MAGI2: variants seen among roughly 807,000 people sequenced by gnomAD.
MAGI2 encodes membrane-associated guanylate kinase, WW and PDZ domain-containing protein 2.
MAGI2 carries 35 observed loss-of-function variants against 133.3 expected under a neutral mutation model. That is an observed-to-expected ratio of 0.26 (90% confidence interval 0.20 to 0.35). The LOEUF (loss-of-function observed/expected upper bound fraction) is 0.35. MAGI2 is among the 10% of genes least tolerant of loss of function. The probability of loss-of-function intolerance (pLI) is 1.00; values close to 1 mark genes in which losing one functional copy is unlikely to be tolerated. For missense variants in MAGI2, 1,636 were observed against 1,863.4 expected (o/e 0.88, Z 2.25); for synonymous variants, 729 against 710.6 (o/e 1.03, Z -0.41).
chr7:78,513,068 A>G (rs1367323462), intron 4 of MAGI2, among the ~76,000 whole-genome samples: 1 of 152,194 alleles, frequency 6.6e-6, no homozygotes, highest in South Asian at 2.1e-4. Flanking sequence ...AAAAAACCAC[A>G]GCAAGGTATG....
chr7:78,871,356 G>A (rs1202657875), intron 2 of MAGI2, among the ~76,000 whole-genome samples: 1 of 151,958 alleles, frequency 6.6e-6, no homozygotes, highest in Non-Finnish European at 1.5e-5. Context: ...GGGACTCAGG[G>A]GGTGAGGGAT....
At chr7:78,297,230 G>A (rs1362771827) in intron 9 of MAGI2, among the ~76,000 whole-genome samples, 2 of 152,102 alleles carry the variant, frequency 1.3e-5, no homozygotes, top group African/African-American at 4.8e-5. Context: ...CACTACACTA[G>A]CTCATCATCA....
intron 1 of MAGI2, among the ~76,000 whole-genome samples, chr7:79,429,175 C>A (rs1207009375): frequency 1.3e-5 from 2 of 152,086 alleles, no homozygotes; most frequent in Non-Finnish European, 2.9e-5. Context: ...AACAGAACAG[C>A]TTTTGATCTT....
At chr7:78,026,674 G>A (rs1326995732) in intron 21 of MAGI2, among the ~76,000 whole-genome samples, 1 of 152,152 alleles carries the variant, frequency 6.6e-6, no homozygotes, top group Non-Finnish European at 1.5e-5. Context: ...GGGTGGGGCC[G>A]GAGGTGGGGT....
At chr7:78,327,514 C>A (rs1338927629) in intron 9 of MAGI2, among the ~76,000 whole-genome samples, 1 of 152,104 alleles carries the variant, frequency 6.6e-6, no homozygotes, top group Non-Finnish European at 1.5e-5. Flanking sequence ...AAACACAAAT[C>A]CCACATAAGA....
intron 1 of MAGI2, among the ~76,000 whole-genome samples, chr7:79,079,574 G>A (rs1329579743): frequency 6.6e-6 from 1 of 152,120 alleles, no homozygotes; most frequent in African/African-American, 2.4e-5. Flanking sequence ...AGTGCCTTAA[G>A]TAGCTATGGC....
At chr7:79,280,109 G>A (rs961394432) in intron 1 of MAGI2, among the ~76,000 whole-genome samples, 3 of 152,086 alleles carry the variant, frequency 2.0e-5, no homozygotes, top group Admixed American at 2.0e-4. Flanking sequence ...ACATGATGTA[G>A]GATGTTCAAA....
Position 79,050,885 on chromosome 7 carries a change from C to G in MAGI2, c.302-43679G>C, listed in dbSNP as rs372658468. Among the ~76,000 whole-genome samples, 25 of 122,620 alleles carry G rather than the reference C, an allele frequency of 2.0e-4. No homozygotes were observed. The South Asian group carries it at 5.3e-3, about 26-fold the overall frequency. The allele number at this position is 122,620 out of a possible 152,430, so 80.4% of individuals were successfully genotyped here. A position where few individuals can be genotyped will look rare whatever the true frequency, so the allele number is the denominator to read the frequency against. On this transcript the variant is annotated intron_variant, in intron 1 of 21. Coordinates refer to ENST00000354212, the MANE Select transcript of MAGI2 (RefSeq NM_012301.4). ...CCAGCCTCTGATGTGTGGAAGCTGC[C>G]CTGGCACTCACATCTAAAGACTTGT...
At chr7:79,344,862 G>A (rs985058954) in intron 1 of MAGI2, among the ~76,000 whole-genome samples, 4 of 152,020 alleles carry the variant, frequency 2.6e-5, no homozygotes, top group African/African-American at 9.7e-5. Flanking sequence ...GATATTAGGG[G>A]AGTCAGTTAA....
chr7:78,280,808 G>A (rs1795488599), intron 9 of MAGI2, among the ~76,000 whole-genome samples: 1 of 133,736 alleles, frequency 7.5e-6, no homozygotes, highest in Non-Finnish European at 1.5e-5. Context: ...CCGACCATCT[G>A]CATCAGGAAT....
intron 2 of MAGI2, among the ~76,000 whole-genome samples, chr7:78,741,776 G>C (rs867303377): frequency 6.6e-6 from 1 of 151,918 alleles, no homozygotes; most frequent in Admixed American, 6.6e-5. Context: ...ATCAAATAAT[G>C]CAAGTAAAGC....
chr7:78,847,069 G>C (rs1233470167), intron 2 of MAGI2, among the ~76,000 whole-genome samples: 2 of 151,906 alleles, frequency 1.3e-5, no homozygotes, highest in South Asian at 2.1e-4. Flanking sequence ...AAAGATAATA[G>C]GTAGTTCAAA....
intron 21 of MAGI2, among the ~76,000 whole-genome samples, chr7:78,043,457 T>C (rs1008342539): frequency 6.6e-6 from 1 of 152,198 alleles, no homozygotes; most frequent in African/African-American, 2.4e-5. Context: ...TAGTTTTAGA[T>C]TAATTTTTAG....
intron 2 of MAGI2, among the ~76,000 whole-genome samples, chr7:78,791,600 G>C (rs1412688031): frequency 1.3e-5 from 2 of 149,230 alleles, no homozygotes; most frequent in Non-Finnish European, 3.0e-5. Context: ...AGAGTGCAGT[G>C]GCATGATCTC....
chr7:78,258,230 T>C (rs1793183218), intron 9 of MAGI2, among the ~76,000 whole-genome samples: 2 of 152,174 alleles, frequency 1.3e-5, no homozygotes, highest in Admixed American at 6.5e-5. Flanking sequence ...GGAGTGGACA[T>C]TCCCTCACTG....
chr7:79,055,026 C>T (rs367644178), intron 1 of MAGI2, among the ~76,000 whole-genome samples: 3 of 152,082 alleles, frequency 2.0e-5, no homozygotes, highest in South Asian at 4.1e-4. Flanking sequence ...CTCCTGACCT[C>T]GAGGTGATCC....
intron 9 of MAGI2, among the ~76,000 whole-genome samples, chr7:78,273,430 C>T (rs573281232): frequency 1.3e-4 from 20 of 152,144 alleles, no homozygotes; most frequent in Admixed American, 2.6e-4. Context: ...TTGCTCTTCT[C>T]GAGGAGTATC....
At chr7:78,785,330 T>C (rs962097448) in intron 2 of MAGI2, among the ~76,000 whole-genome samples, 13 of 152,228 alleles carry the variant, frequency 8.5e-5, no homozygotes, top group African/African-American at 2.9e-4. Flanking sequence ...GGAGATTGGA[T>C]CATTTTATTT....
chr7:78,648,878 T>C (rs1314931980), intron 2 of MAGI2, among the ~76,000 whole-genome samples: 1 of 152,176 alleles, frequency 6.6e-6, no homozygotes, highest in South Asian at 2.1e-4. Context: ...GTTTTAACTC[T>C]GCTGATGTCA....
Sources: gnomAD v4.1 joint callset for allele counts (sites outside exome capture counted in the v4.1 genomes callset) on GRCh38, gnomAD v4.1.1 for gene constraint, MANE v1.5 for transcripts, NCBI Gene and HGNC (gene_info 2026-07-23, HGNC 2026-07-21) for gene names.